The following PCDH15 variants were observed in gnomAD, a reference collection of about 807,000 sequenced individuals.
PCDH15 encodes protocadherin-15.
Under a neutral mutation model 178.5 loss-of-function variants are expected in PCDH15, and 129 were observed. The observed-to-expected ratio is 0.72, with a 90% CI of 0.63 to 0.84. PCDH15 has a LOEUF of 0.84. Ranked by LOEUF, PCDH15 falls within the 40% of genes least tolerant of loss-of-function variation. PCDH15 has a pLI of 0.00. For missense variants in PCDH15, 2,230 were observed against 2,099.9 expected (o/e 1.06, Z -1.21); for synonymous variants, 800 against 732.0 (o/e 1.09, Z -1.50).
intron 2 of PCDH15, among the ~76,000 whole-genome samples, chr10:54,536,599 TGAGCA>T (rs2084554970): frequency 6.6e-6 from 1 of 152,202 alleles, no homozygotes; most frequent in Non-Finnish European, 1.5e-5. Context: ...CATCAGGTAA[TGAGCA>T]CAGCACTCAA....
At chr10:55,027,690 G>A (rs1840508279) in intron 2 of PCDH15, among the ~76,000 whole-genome samples, 1 of 151,766 alleles carries the variant, frequency 6.6e-6, no homozygotes, top group Non-Finnish European at 1.5e-5. Flanking sequence ...TATAGCGATA[G>A]GACTCTAATT....
intron 2 of PCDH15, among the ~76,000 whole-genome samples, chr10:55,518,409 G>T (rs947692632): frequency 3.3e-5 from 5 of 151,898 alleles, no homozygotes; most frequent in Non-Finnish European, 5.9e-5. Context: ...GACAAACACC[G>T]CCACTTTTAA....
At chr10:54,405,734 AGTG>A (rs1249732165) in intron 3 of PCDH15, among the ~76,000 whole-genome samples, 1 of 151,946 alleles carries the variant, frequency 6.6e-6, no homozygotes, top group African/African-American at 2.4e-5. Context: ...CAATATTTGT[AGTG>A]GTACAAATAT....
chr10:54,597,598 A>C (rs1474225526), intron 2 of PCDH15, among the ~76,000 whole-genome samples: 3 of 152,124 alleles, frequency 2.0e-5, no homozygotes, highest in Middle Eastern at 3.4e-3. Context: ...AACAAACAAA[A>C]AAACCCAAAG....
intron 2 of PCDH15, among the ~76,000 whole-genome samples, chr10:54,549,432 G>C (rs116732014): frequency 6.6e-6 from 1 of 151,784 alleles, no homozygotes; most frequent in Non-Finnish European, 1.5e-5. Flanking sequence ...TTATTTAAAA[G>C]ATAGTTTTAA....
chr10:55,340,810 T>A (rs182546632), intron 2 of PCDH15, among the ~76,000 whole-genome samples: 2 of 152,084 alleles, frequency 1.3e-5, no homozygotes, highest in African/African-American at 4.8e-5. Context: ...CAAACATTTA[T>A]ACTTCTCAAG....
intron 3 of PCDH15, among the ~76,000 whole-genome samples, chr10:54,451,829 C>T (rs1334031503): frequency 6.6e-6 from 1 of 151,886 alleles, no homozygotes; most frequent in Non-Finnish European, 1.5e-5. Context: ...AAGCTGAAAA[C>T]TGATTATGCA....
chr10:55,405,421 A>C (rs573556007), intron 2 of PCDH15, among the ~76,000 whole-genome samples: 2 of 151,194 alleles, frequency 1.3e-5, no homozygotes, highest in South Asian at 4.2e-4. Flanking sequence ...AACATCACTC[A>C]TATGTGTCAT....
At chr10:54,793,971 T>C (rs1005260653) in intron 1 of PCDH15, among the ~76,000 whole-genome samples, 2 of 148,568 alleles carry the variant, frequency 1.3e-5, no homozygotes, top group African/African-American at 4.9e-5. Context: ...ATGTGTTCTT[T>C]TTTTTTTCAT....
chr10:55,020,141 C>A (rs1043290540), intron 2 of PCDH15, among the ~76,000 whole-genome samples: 49 of 148,686 alleles, frequency 3.3e-4, no homozygotes, highest in Admixed American at 1.5e-3. Context: ...TATATAATTT[C>A]TTCTCCTTCC....
chr10:55,372,866 C>A (rs1173617113), intron 2 of PCDH15, among the ~76,000 whole-genome samples: 1 of 152,074 alleles, frequency 6.6e-6, no homozygotes, highest in Non-Finnish European at 1.5e-5. Context: ...AAACATATAT[C>A]CACGTAAAAA....
At chr10:54,741,134 A>G (rs1359867705) in intron 1 of PCDH15, among the ~76,000 whole-genome samples, 1 of 151,704 alleles carries the variant, frequency 6.6e-6, no homozygotes, top group Non-Finnish European at 1.5e-5. Flanking sequence ...CCACATAAAT[A>G]TGTATTATTA....
intron 3 of PCDH15, among the ~76,000 whole-genome samples, chr10:54,457,460 C>T (rs1047401969): frequency 6.6e-6 from 1 of 152,138 alleles, no homozygotes; most frequent in Non-Finnish European, 1.5e-5. Flanking sequence ...ACATTACATT[C>T]CTATATTGCA....
intron 2 of PCDH15, among the ~76,000 whole-genome samples, chr10:54,558,983 T>C (rs995429846): frequency 1.3e-5 from 2 of 152,052 alleles, no homozygotes; most frequent in African/African-American, 2.4e-5. Context: ...CAGTTTCTGA[T>C]AGCCAAAGAA....
intron 1 of PCDH15, among the ~76,000 whole-genome samples, chr10:54,671,311 C>A (rs1466087452): frequency 2.0e-4 from 31 of 151,980 alleles, no homozygotes; most frequent in Admixed American, 1.9e-3. Context: ...CTAAGAAACA[C>A]AAATAAATTA....
At chr10:54,615,893 G>A (rs1354076131) in intron 2 of PCDH15, among the ~76,000 whole-genome samples, 2 of 152,062 alleles carry the variant, frequency 1.3e-5, no homozygotes, top group East Asian at 1.9e-4. Context: ...GTGGAAAATG[G>A]CGATGGATAC....
At chr10:54,822,886 T>A (rs1042715916) in intron 3 of PCDH15, among the ~76,000 whole-genome samples, 145 of 151,928 alleles carry the variant, frequency 9.5e-4, no homozygotes, top group African/African-American at 3.4e-3. Flanking sequence ...AATATATTTA[T>A]TTATTTTATT....
intron 2 of PCDH15, among the ~76,000 whole-genome samples, chr10:55,166,285 T>C (rs1235034471): frequency 6.6e-6 from 1 of 152,162 alleles, no homozygotes; most frequent in East Asian, 1.9e-4. Flanking sequence ...TGAAGAATAA[T>C]AAATCTAAAC....
At chr10:55,498,473 C>A (rs1840584874) in intron 2 of PCDH15, among the ~76,000 whole-genome samples, 2 of 151,842 alleles carry the variant, frequency 1.3e-5, no homozygotes, top group Admixed American at 1.3e-4. Context: ...TTCATCAAGA[C>A]ACTTTAAAAT....
Sources: gnomAD v4.1 joint callset for allele counts (sites outside exome capture counted in the v4.1 genomes callset) on GRCh38, gnomAD v4.1.1 for gene constraint, MANE v1.5 for transcripts, NCBI Gene and HGNC (gene_info 2026-07-23, HGNC 2026-07-21) for gene names.